The following L3MBTL4 variants were observed in gnomAD, a reference collection of about 807,000 sequenced individuals.
L3MBTL4 encodes the protein lethal(3)malignant brain tumor-like protein 4.
A neutral mutation model predicts 84.5 loss-of-function variants in L3MBTL4; 70 were observed. That is an observed-to-expected ratio of 0.83 (90% CI 0.68 to 1.01). L3MBTL4 has a LOEUF of 1.01. Ranked by LOEUF, L3MBTL4 falls within the 50% of genes least tolerant of loss-of-function variation. L3MBTL4 has a pLI of 0.00. For synonymous variants in L3MBTL4, 274 were observed against 259.8 expected, an observed-to-expected ratio of 1.05 and a Z score of -0.52; for missense variants, 715 against 754.8, an observed-to-expected ratio of 0.95 and a Z score of 0.62.
At chr18:6,222,949 T>TTATATAA (rs1555694507) in intron 10 of L3MBTL4, among the ~76,000 whole-genome samples, 312 of 145,638 alleles carry the variant, frequency 2.1e-3, no homozygotes, top group African/African-American at 7.5e-3. Context: ...AATTTTTCTA[T>TTATATAA]TATAATATAA....
chr18:6,032,953 T>C (rs1311452944), intron 16 of L3MBTL4, among the ~76,000 whole-genome samples: 1 of 152,226 alleles, frequency 6.6e-6, no homozygotes, highest in African/African-American at 2.4e-5. Flanking sequence ...ACCTATGTTT[T>C]GTCCTGGAGA....
At chr18:6,024,419 T>C (rs1299506785) in intron 16 of L3MBTL4, among the ~76,000 whole-genome samples, 4 of 152,178 alleles carry the variant, frequency 2.6e-5, no homozygotes, top group Non-Finnish European at 5.9e-5. Context: ...ACAATACAAA[T>C]ACAACATTTA....
At chr18:6,335,233 G>A (rs1030038319) in intron 1 of L3MBTL4, among the ~76,000 whole-genome samples, 12 of 152,122 alleles carry the variant, frequency 7.9e-5, no homozygotes, top group Non-Finnish European at 1.3e-4. Context: ...TGGGATTACA[G>A]GCACTCACCA....
intron 16 of L3MBTL4, among the ~76,000 whole-genome samples, chr18:5,973,368 C>T (rs534931092): frequency 1.3e-5 from 2 of 152,342 alleles, no homozygotes; most frequent in Non-Finnish European, 2.9e-5. Flanking sequence ...GTGTCAGATG[C>T]TAAAATGCTC....
chr18:6,129,368 C>CTCTGTGTGTGTGTGTGTG (rs1555663722), intron 14 of L3MBTL4, among the ~76,000 whole-genome samples: 3 of 138,302 alleles, frequency 2.2e-5, no homozygotes, highest in African/African-American at 8.3e-5. Flanking sequence ...GGAATTCTCT[C>CTCTGTGTGTGTGTGTGTG]TGTGTGTGTG....
chr18:6,166,264 G>A (rs896525348), intron 13 of L3MBTL4, among the ~76,000 whole-genome samples: 1 of 152,178 alleles, frequency 6.6e-6, no homozygotes, highest in Non-Finnish European at 1.5e-5. Context: ...ACATTAGACA[G>A]ATCAATGAGA....
chr18:6,173,759 G>C (rs752218083), intron 12 of L3MBTL4, among the ~76,000 whole-genome samples: 1 of 152,058 alleles, frequency 6.6e-6, no homozygotes, highest in Non-Finnish European at 1.5e-5. Flanking sequence ...CAGCCTGGAC[G>C]GCACAGCAAG....
intron 5 of L3MBTL4, among the ~76,000 whole-genome samples, chr18:6,257,625 TTC>T (rs1268305924): frequency 1.4e-5 from 2 of 147,916 alleles, no homozygotes; most frequent in African/African-American, 5.2e-5. Flanking sequence ...CTTTTCTTTT[TTC>T]TTTTTCTTTT....
At chr18:6,095,629 C>G (rs568126148) in intron 14 of L3MBTL4, among the ~76,000 whole-genome samples, 1 of 152,196 alleles carries the variant, frequency 6.6e-6, no homozygotes, top group African/African-American at 2.4e-5. Flanking sequence ...GGATTACAAG[C>G]GTGAGCCACC....
chr18:6,385,017 G>C (rs2054758821), intron 1 of L3MBTL4, among the ~76,000 whole-genome samples: 1 of 152,164 alleles, frequency 6.6e-6, no homozygotes, highest in Non-Finnish European at 1.5e-5. Context: ...AAGAGAAGTA[G>C]ATGATACAGA....
At chr18:6,267,748 CT>C (rs1443165281) in intron 4 of L3MBTL4, among the ~76,000 whole-genome samples, 1 of 152,124 alleles carries the variant, frequency 6.6e-6, no homozygotes, top group Admixed American at 6.5e-5. Flanking sequence ...ACCAAAGAAC[CT>C]TTTAAAATTG....
chr18:6,138,558 T>C (rs1389322014), intron 13 of L3MBTL4, among the ~76,000 whole-genome samples: 2 of 152,186 alleles, frequency 1.3e-5, no homozygotes, highest in Non-Finnish European at 2.9e-5. Context: ...GAAGAATTTC[T>C]TTTTTTATTT....
intron 18 of L3MBTL4, 33 bp downstream of exon 18, chr18:5,960,057 TATAC>T (rs199954991): frequency 1.4e-5 from 6 of 436,254 alleles, no homozygotes; most frequent in Middle Eastern, 5.9e-4. Flanking sequence ...TATATATATA[TATAC>T]ATATATATAT....
chr18:6,225,663 G>A (rs2046751637), intron 10 of L3MBTL4, among the ~76,000 whole-genome samples: 2 of 151,932 alleles, frequency 1.3e-5, no homozygotes, highest in African/African-American at 4.8e-5. Flanking sequence ...AGGAGGCTGA[G>A]GTGGGAGAAG....
At chr18:5,979,384 A>C (rs1324221363) in intron 16 of L3MBTL4, among the ~76,000 whole-genome samples, 1 of 152,118 alleles carries the variant, frequency 6.6e-6, no homozygotes, top group Non-Finnish European at 1.5e-5. Flanking sequence ...AGGAGTGTAC[A>C]ATCAGAATGA....
At chr18:6,271,408 T>A (rs996061087) in intron 4 of L3MBTL4, among the ~76,000 whole-genome samples, 1 of 151,830 alleles carries the variant, frequency 6.6e-6, no homozygotes, top group African/African-American at 2.4e-5. Context: ...GAAAGGAAAT[T>A]GAGAGAAAAT....
intron 12 of L3MBTL4, among the ~76,000 whole-genome samples, chr18:6,177,663 C>T (rs1433917877): frequency 1.3e-5 from 2 of 152,246 alleles, no homozygotes; most frequent in Admixed American, 6.5e-5. Flanking sequence ...GCTGCTGTCA[C>T]ATGTGGCTGC....
chr18:6,395,145 C>T (rs2055217895), intron 1 of L3MBTL4: 1 of 152,138 alleles, frequency 6.6e-6, no homozygotes, highest in African/African-American at 2.4e-5. Context: ...TGCATTGAGC[C>T]ATAATGGCAC....
At chr18:5,997,019 T>C (rs1170961167) in intron 16 of L3MBTL4, among the ~76,000 whole-genome samples, 1 of 142,014 alleles carries the variant, frequency 7.0e-6, no homozygotes, top group Non-Finnish European at 1.5e-5. Context: ...ATCCATGTCA[T>C]GGATTCAACC....
Sources: gnomAD v4.1 joint callset for allele counts (sites outside exome capture counted in the v4.1 genomes callset) on GRCh38, gnomAD v4.1.1 for gene constraint, MANE v1.5 for transcripts, NCBI Gene and HGNC (gene_info 2026-07-23, HGNC 2026-07-21) for gene names.